PKHD1: variants seen among roughly 807,000 people sequenced by gnomAD.
The protein encoded by PKHD1 is fibrocystin.
Under a neutral mutation model 412.0 loss-of-function variants are expected in PKHD1, and 291 were observed. The observed-to-expected ratio is 0.71, with a 90% CI of 0.64 to 0.78. The LOEUF (loss-of-function observed/expected upper bound fraction) is 0.78, where lower values mean the gene tolerates loss of function less well. PKHD1 is among the 30% of genes least tolerant of loss of function. The pLI, the probability that PKHD1 is intolerant of heterozygous loss-of-function variation, is 0.00. For synonymous variants in PKHD1, 1,777 were observed against 1,821.5 expected, an observed-to-expected ratio of 0.98 and a Z score of 0.62; for missense variants, 4,825 against 4,950.7, an observed-to-expected ratio of 0.97 and a Z score of 0.76.
intron 60 of PKHD1, among the ~76,000 whole-genome samples, chr6:51,684,441 G>A (rs1307620531): frequency 6.6e-6 from 1 of 152,064 alleles, no homozygotes; most frequent in Non-Finnish European, 1.5e-5. Context: ...CATACAGAGA[G>A]GCAATGAACA....
At chr6:51,953,517 T>C (rs561567870) in intron 36 of PKHD1, among the ~76,000 whole-genome samples, 50 of 151,968 alleles carry the variant, frequency 3.3e-4, no homozygotes, top group African/African-American at 1.2e-3. Context: ...GAAAGCATTA[T>C]CTGAAGCATG....
At position 51,860,273 on chromosome 6, in the gene PKHD1, TG is replaced by T. The variant is rs577697022; in HGVS notation, c.7734-4204del. Among the ~76,000 whole-genome samples the T allele has an allele frequency of 8.5e-5, 13 of 152,330 alleles. No homozygotes were observed. In the East Asian group the frequency reaches 2.5e-3, roughly 29 times the overall value. ...CCATCTCCCATCAGGCAAGATGGCT[TG>T]TACTGACCATCACCAGGGGCCAAAA... On this transcript the variant is annotated intron_variant, in intron 48 of 66. Coordinates refer to ENST00000371117, the MANE Select transcript of PKHD1 (RefSeq NM_138694.4).
intron 60 of PKHD1, among the ~76,000 whole-genome samples, chr6:51,736,380 A>G (rs1696977170): frequency 6.6e-6 from 1 of 152,218 alleles, no homozygotes; most frequent in South Asian, 2.1e-4. Flanking sequence ...CAGGCAAGTC[A>G]TGAGGGAGTG....
intron 60 of PKHD1, among the ~76,000 whole-genome samples, chr6:51,680,446 T>C (rs1776493822): frequency 1.3e-5 from 2 of 152,072 alleles, no homozygotes. Flanking sequence ...TAGAATCTTC[T>C]CATATTGCAC....
At chr6:51,963,069 AAC>A (rs907735891) in intron 35 of PKHD1, among the ~76,000 whole-genome samples, 51 of 152,096 alleles carry the variant, frequency 3.4e-4, no homozygotes, top group Admixed American at 1.1e-3. Context: ...ATCACACACA[AAC>A]ACACACACAT....
intron 52 of PKHD1, among the ~76,000 whole-genome samples, chr6:51,819,172 G>GTGAA (rs1765969977): frequency 6.6e-6 from 1 of 152,082 alleles, no homozygotes; most frequent in South Asian, 2.1e-4. Context: ...AAGCTGCTCT[G>GTGAA]TGAATAAAAG....
In PKHD1 at chr6:51,828,952, T is replaced by C. The variant is rs980170419; in HGVS notation, c.8302+1909A>G. On this transcript the variant is annotated intron_variant, in intron 52 of 66. Coordinates refer to ENST00000371117, the MANE Select transcript of PKHD1 (RefSeq NM_138694.4). The stretch of plus-strand genomic sequence containing the variant: ...TTTTTTGGAGATAGAAGAGGGGTTA[T>C]TAGACAACAGGAGAGGGACAATGAG... Among the ~76,000 whole-genome samples the C allele has an allele frequency of 2.0e-5, 3 of 152,146 alleles. 1 individual carries two copies. Among genetic ancestry groups the C allele is most frequent in the Admixed American group, 2.0e-4 (3 of 15,270 alleles).
At chr6:51,921,114 C>G (rs1784629364) in intron 37 of PKHD1, among the ~76,000 whole-genome samples, 1 of 152,060 alleles carries the variant, frequency 6.6e-6, no homozygotes, top group Admixed American at 6.5e-5. Flanking sequence ...TTTTGTGTCT[C>G]TATCTCCTTC....
chr6:51,826,053 A>C (rs970456096), intron 52 of PKHD1, among the ~76,000 whole-genome samples: 1 of 152,162 alleles, frequency 6.6e-6, no homozygotes, highest in African/African-American at 2.4e-5. Context: ...GAAAAAGGTG[A>C]ATGAAGTCAA....
At chr6:51,976,886 TGCA>T (rs1794509674) in intron 35 of PKHD1, among the ~76,000 whole-genome samples, 1 of 143,860 alleles carries the variant, frequency 7.0e-6, no homozygotes, top group Non-Finnish European at 1.5e-5. Context: ...AGGCGGAGGT[TGCA>T]GTGAGCCGAG....
chr6:51,655,703 C>A (rs185970186), intron 61 of PKHD1, among the ~76,000 whole-genome samples: 70 of 152,214 alleles, frequency 4.6e-4, no homozygotes, highest in African/African-American at 1.5e-3. Context: ...GCTGGGTTTA[C>A]TGAAGAGTTC....
Position 51,646,131 on chromosome 6 carries a change from G to A in PKHD1, c.11398+1900C>T, listed in dbSNP as rs143893418. On this transcript the variant is annotated intron_variant, in intron 63 of 66. Coordinates refer to ENST00000371117, the MANE Select transcript of PKHD1 (RefSeq NM_138694.4). Reference sequence around the variant, plus strand: ...GGAGATGATTTTTAAATGTTCCATCGAACCCTTCTATTCTAGGTTATATCA... The same window carrying A: ...GGAGATGATTTTTAAATGTTCCATCAAACCCTTCTATTCTAGGTTATATCA... Among the ~76,000 whole-genome samples, 197 of 152,162 alleles carry A rather than the reference G, an allele frequency of 1.3e-3. 3 individuals carry two copies. In the East Asian group the frequency reaches 0.032, roughly 25 times the overall value.
chr6:51,990,684 T>A (rs1446532138), intron 35 of PKHD1, among the ~76,000 whole-genome samples: 1 of 152,228 alleles, frequency 6.6e-6, no homozygotes, highest in African/African-American at 2.4e-5. Context: ...ATCAAAAGTT[T>A]TTTATGAACT....
At chr6:51,636,491 G>A (rs1414165708) in intron 64 of PKHD1, among the ~76,000 whole-genome samples, 1 of 152,076 alleles carries the variant, frequency 6.6e-6, no homozygotes, top group Non-Finnish European at 1.5e-5. Context: ...AGACTGCAAT[G>A]AGCCATGATT....
intron 60 of PKHD1, chr6:51,721,475 T>C (rs1238948677): frequency 2.4e-6 from 2 of 848,680 alleles, no homozygotes; most frequent in Non-Finnish European, 2.8e-6. Flanking sequence ...TTCTCTACCA[T>C]ATTATTTCAC....
intron 55 of PKHD1, among the ~76,000 whole-genome samples, chr6:51,769,394 T>A (rs1223738196): frequency 6.6e-6 from 1 of 151,366 alleles, no homozygotes; most frequent in African/African-American, 2.4e-5. Flanking sequence ...TCGTTAAAAA[T>A]TCCTTTTTAT....
At chr6:51,895,375 A>C (rs1223545957) in intron 43 of PKHD1, among the ~76,000 whole-genome samples, 3 of 152,234 alleles carry the variant, frequency 2.0e-5, no homozygotes, top group Non-Finnish European at 2.9e-5. Flanking sequence ...AGCCAATGGC[A>C]CAACTGAAAA....
chr6:51,801,048 G>A (rs1050354078), intron 52 of PKHD1, among the ~76,000 whole-genome samples: 3 of 152,102 alleles, frequency 2.0e-5, no homozygotes, highest in Non-Finnish European at 4.4e-5. Flanking sequence ...ACTATTAAAT[G>A]ATCTAATCTT....
intron 63 of PKHD1, among the ~76,000 whole-genome samples, chr6:51,644,228 A>G (rs1769775936): frequency 6.6e-6 from 1 of 152,188 alleles, no homozygotes; most frequent in African/African-American, 2.4e-5. Context: ...ATCTGAGATT[A>G]ATTCATTGAA....
Sources: allele counts gnomAD v4.1 joint callset (sites outside exome capture counted in the v4.1 genomes callset), GRCh38; gene constraint gnomAD v4.1.1; transcripts MANE v1.5; gene names NCBI Gene and HGNC (gene_info 2026-07-23, HGNC 2026-07-21).